Variants in ARMC9 observed in about 807,000 individuals in gnomAD.
The protein encoded by ARMC9 is armadillo repeat containing 9.
Under a neutral mutation model 107.0 loss-of-function variants are expected in ARMC9, and 94 were observed. The observed-to-expected ratio is 0.88, with a 90% CI of 0.74 to 1.04. The LOEUF is 1.04. Among genes scored for constraint, ARMC9 ranks in the 50% least tolerant of loss-of-function variants. The pLI is 0.00. For missense variants in ARMC9, 942 were observed against 1,030.1 expected, an observed-to-expected ratio of 0.91 and a Z score of 1.17; for synonymous variants, 380 against 396.9, an observed-to-expected ratio of 0.96 and a Z score of 0.51.
chr2:231,247,700 G>T (rs2125387373), intron 9 of ARMC9, among the ~76,000 whole-genome samples: 1 of 152,318 alleles, frequency 6.6e-6, no homozygotes, highest in African/African-American at 2.4e-5. Context: ...GGAGGCCGAG[G>T]CAGGCAGATT....
chr2:231,290,432 C>G (rs926538566), intron 17 of ARMC9, among the ~76,000 whole-genome samples: 9 of 152,188 alleles, frequency 5.9e-5, no homozygotes, highest in Non-Finnish European at 4.4e-5. Flanking sequence ...TGTTCAGGCA[C>G]AGTTTGATCA....
At chr2:231,248,526 A>G (rs1182629834) in intron 9 of ARMC9, among the ~76,000 whole-genome samples, 1 of 152,068 alleles carries the variant, frequency 6.6e-6, no homozygotes, top group Non-Finnish European at 1.5e-5. Context: ...AAAAGCTGGC[A>G]GGGCCGGACG....
At chr2:231,233,378 C>T (rs921269591) in intron 7 of ARMC9, among the ~76,000 whole-genome samples, 1 of 152,180 alleles carries the variant, frequency 6.6e-6, no homozygotes, top group East Asian at 1.9e-4. Flanking sequence ...AAATCAGAAT[C>T]TCTGGGAGTG....
chr2:231,199,161 A>G (rs932571107), intron 1 of ARMC9, among the ~76,000 whole-genome samples: 14 of 152,180 alleles, frequency 9.2e-5, no homozygotes, highest in African/African-American at 3.1e-4. Flanking sequence ...CTTCCATACA[A>G]ATCCCATAAT....
In ARMC9 at chr2:231,282,113, C is replaced by G; in HGVS notation, c.1606C>G (p.Arg536Gly). Residue 536 changes from arginine (R) to glycine (G), a missense_variant, in exon 17 of 25, where the codon CGT (arginine) becomes GGT (glycine). Coordinates refer to ENST00000611582, the MANE Select transcript of ARMC9 (RefSeq NM_001352754.2). ...CAGCATCCTTTCTGTTCCATCCATT[C>G]GTGAGGAAGCAAGAGCAATGGTAAG... ...LYSILSVPSI[R>G]EEARAMGMED... 6.2e-7 allele frequency: 1 copy of G among 1,614,026 alleles called. No individual in the cohort carries two copies. Among genetic ancestry groups the G allele is most frequent in the Non-Finnish European group, 8.5e-7 (1 of 1,179,966 alleles).
intron 18 of ARMC9, among the ~76,000 whole-genome samples, chr2:231,292,472 A>G (rs931668033): frequency 6.6e-6 from 1 of 152,168 alleles, no homozygotes; most frequent in African/African-American, 2.4e-5. Flanking sequence ...GATGTTGCCA[A>G]CTGCAGTGTG....
intron 19 of ARMC9, among the ~76,000 whole-genome samples, chr2:231,326,809 A>G (rs1213993852): frequency 6.6e-6 from 1 of 152,244 alleles, no homozygotes; most frequent in African/African-American, 2.4e-5. Flanking sequence ...AATTAGTCGG[A>G]AATGAAGACA....
At chr2:231,256,681 C>G (rs2037849531) in intron 10 of ARMC9, 61 bp downstream of exon 10, 1 of 1,559,072 alleles carries the variant, frequency 6.4e-7, no homozygotes. Flanking sequence ...AACGGGAATT[C>G]AAAGTGTCTT....
intron 6 of ARMC9, among the ~76,000 whole-genome samples, chr2:231,226,136 C>T (rs1464785019): frequency 2.6e-5 from 4 of 152,174 alleles, no homozygotes; most frequent in Admixed American, 2.0e-4. Flanking sequence ...GGATTACAGG[C>T]GTGAGCCACC....
chr2:231,243,967 C>G (rs1574763484), intron 9 of ARMC9, among the ~76,000 whole-genome samples: 1 of 152,010 alleles, frequency 6.6e-6, no homozygotes, highest in East Asian at 1.9e-4. Flanking sequence ...ACTCTAGGGC[C>G]CAACAGAAGG....
intron 5 of ARMC9, among the ~76,000 whole-genome samples, chr2:231,222,045 G>A (rs990623010): frequency 1.3e-5 from 2 of 152,172 alleles, no homozygotes; most frequent in East Asian, 3.9e-4. Context: ...TGGCTTCGCT[G>A]CATTTTTGTG....
intron 9 of ARMC9, among the ~76,000 whole-genome samples, chr2:231,251,876 C>T (rs73994554): frequency 1.8e-3 from 275 of 152,292 alleles, no homozygotes; most frequent in African/African-American, 6.2e-3. Context: ...CAGGTGTGCA[C>T]CACCACACCT....
Position 231,297,512 on chromosome 2 carries a change from G to T in ARMC9, c.1773+1259G>T, listed in dbSNP as rs906176623. Among the ~76,000 whole-genome samples the T allele has an allele frequency of 6.6e-6, 1 of 152,196 alleles. No individual in the cohort carries two copies. Among genetic ancestry groups the T allele is most frequent in the Non-Finnish European group, 1.5e-5 (1 of 68,036 alleles). On this transcript the variant is annotated intron_variant, in intron 19 of 24. Transcript: ENST00000611582. This position sits in a 1 kb window ranked among gnomAD's most constrained non-coding sequence, Gnocchi z 4.2. The stretch of plus-strand genomic sequence containing the variant: ...CCACTCAATTCTGCCATTGTAACAC[G>T]GTGGCTGTCAGCAGTACATAAGTGG...
chr2:231,224,881 C>T (rs1373381225), intron 6 of ARMC9, among the ~76,000 whole-genome samples: 2 of 152,152 alleles, frequency 1.3e-5, no homozygotes, highest in Non-Finnish European at 2.9e-5. Context: ...GAGGGAACAG[C>T]CTGTGCAAAG....
rs1273751389 is a variant in ARMC9, at chr2:231,372,812, A to C, written c.*1277A>C. The C allele has an allele frequency of 3.3e-5, 5 of 152,048 alleles. No individual in the cohort carries two copies. Among genetic ancestry groups the C allele is most frequent in the Non-Finnish European group, 7.3e-5 (5 of 68,602 alleles). The allele number at this position is 152,048 out of a possible 1,614,324, so 9.4% of individuals were successfully genotyped here. ...AAAAGTCGCGTGCCCTCCCCCAGGC[A>C]CCTGATCTGCCCACAGACCCTTCAA... On this transcript the variant is annotated 3_prime_UTR_variant, in exon 25 of 25. Coordinates refer to ENST00000611582, the MANE Select transcript of ARMC9 (RefSeq NM_001352754.2).
At chr2:231,331,556 A>T (rs1575109293) in intron 19 of ARMC9, among the ~76,000 whole-genome samples, 1 of 152,282 alleles carries the variant, frequency 6.6e-6, no homozygotes, top group South Asian at 2.1e-4. Flanking sequence ...TAAGCAGTGG[A>T]GGCTCCCTAG....
At chr2:231,319,164 C>T (rs2125531048) in intron 19 of ARMC9, among the ~76,000 whole-genome samples, 1 of 152,274 alleles carries the variant, frequency 6.6e-6, no homozygotes, top group East Asian at 1.9e-4. Context: ...TGCTAGTTTA[C>T]TAATTTACAG....
chr2:231,241,087 A>G (rs1427977626), intron 9 of ARMC9, among the ~76,000 whole-genome samples: 1 of 151,812 alleles, frequency 6.6e-6, no homozygotes, highest in Non-Finnish European at 1.5e-5. Flanking sequence ...AGTCCCAGCT[A>G]CTTGGGAGGC....
chr2:231,305,199 T>C (rs2041974950), intron 19 of ARMC9, among the ~76,000 whole-genome samples: 1 of 152,224 alleles, frequency 6.6e-6, no homozygotes. Context: ...TCATCTATCA[T>C]CATCCCCGTA....
Sources: allele counts gnomAD v4.1 joint callset (sites outside exome capture counted in the v4.1 genomes callset), GRCh38; gene constraint gnomAD v4.1.1; non-coding constraint Gnocchi (gnomAD v3.1); transcripts MANE v1.5; gene names NCBI Gene and HGNC (gene_info 2026-07-23, HGNC 2026-07-21).